Variants in XIRP2 observed in about 807,000 individuals in gnomAD.
XIRP2 encodes xin actin binding repeat containing 2.
A neutral mutation model predicts 277.0 loss-of-function variants in XIRP2; 236 were observed. That is an observed-to-expected ratio of 0.85 (90% CI 0.77 to 0.95). The LOEUF (loss-of-function observed/expected upper bound fraction) is 0.95. XIRP2 is among the 40% of genes least tolerant of loss of function. XIRP2 has a pLI of 0.00. For synonymous variants in XIRP2, 1,490 were observed against 1,416.5 expected (o/e 1.05, Z -1.17); for missense variants, 4,640 against 4,157.5 (o/e 1.12, Z -3.19).
chr2:167,247,263 G>A lies in XIRP2; in HGVS notation c.5871G>A (p.Ser1957=), dbSNP rs373676460. ...CTAAAGCTGTGATGGCAGGATCCTC[G>A]GGAGAGCAGAAAACAGATATTCATC... The part of the protein sequence containing the change: ...KDAKAVMAGS[S]GEQKTDIHQV... Residue 1957 remains serine, a synonymous_variant, in exon 9 of 11, where the codon TCG becomes TCA. Coordinates refer to ENST00000409195, the MANE Select transcript of XIRP2 (RefSeq NM_152381.6). 4.7e-5 allele frequency: 76 copies of A among 1,613,502 alleles called. No homozygotes were observed. The highest frequency in any genetic ancestry group is 2.0e-4 in the African/African-American group (15 of 74,872).
chr2:167,082,575 G>A (rs531837386), intron 2 of XIRP2, among the ~76,000 whole-genome samples: 2 of 152,238 alleles, frequency 1.3e-5, no homozygotes, highest in South Asian at 2.1e-4. Context: ...GTGTAAAAGT[G>A]TTCCTATTTC....
intron 3 of XIRP2, among the ~76,000 whole-genome samples, chr2:167,181,790 T>C (rs540804538): frequency 6.6e-6 from 1 of 152,290 alleles, no homozygotes; most frequent in African/African-American, 2.4e-5. Context: ...TTTTATTTTT[T>C]ATATTGGGAG....
At chr2:167,188,733 A>G (rs1175320512) in intron 3 of XIRP2, among the ~76,000 whole-genome samples, 1 of 152,220 alleles carries the variant, frequency 6.6e-6, no homozygotes, top group Non-Finnish European at 1.5e-5. Flanking sequence ...TCCATTTCTA[A>G]AAGTCAGTCC....
rs1411102668 is a variant in XIRP2 at position 167,129,588 on chromosome 2, ATAAG to A, written c.409-6316_409-6313del. Among the ~76,000 whole-genome samples, 5 of 152,248 alleles carry A rather than the reference ATAAG, an allele frequency of 3.3e-5. No individual in the cohort carries two copies. The East Asian group carries it at 9.7e-4, about 29-fold the overall frequency. On this transcript the variant is annotated intron_variant, in intron 2 of 10. Transcript: ENST00000409195. Reference sequence around the variant, plus strand: ...ACATATGTTAAAGCAATAAATATATATAAGTAAGAAAGAAAAATTATCCTGTAAT... The same window carrying A: ...ACATATGTTAAAGCAATAAATATATATAAGAAAGAAAAATTATCCTGTAAT...
At chr2:167,142,007 G>T (rs1691734801) in intron 3 of XIRP2, among the ~76,000 whole-genome samples, 1 of 152,156 alleles carries the variant, frequency 6.6e-6, no homozygotes, top group East Asian at 1.9e-4. Context: ...GCAGTCACTT[G>T]AAGATAGAGG....
At chr2:167,051,851 A>G (rs1395006314) in intron 2 of XIRP2, among the ~76,000 whole-genome samples, 1 of 152,094 alleles carries the variant, frequency 6.6e-6, no homozygotes. Flanking sequence ...GTAACTGTAA[A>G]TTTGCCTTTA....
At chr2:167,047,488 A>G (rs560547536) in intron 2 of XIRP2, among the ~76,000 whole-genome samples, 117 of 152,092 alleles carry the variant, frequency 7.7e-4, no homozygotes, top group African/African-American at 2.7e-3. Context: ...AATGTCAATT[A>G]TCTGCCAACT....
intron 9 of XIRP2, among the ~76,000 whole-genome samples, chr2:167,253,095 T>C (rs1695561858): frequency 6.6e-6 from 1 of 151,934 alleles, no homozygotes; most frequent in Admixed American, 6.6e-5. Flanking sequence ...AAAGTAGATA[T>C]AATTATTTGT....
intron 1 of XIRP2, among the ~76,000 whole-genome samples, chr2:166,901,692 A>G (rs191329440): frequency 9.5e-4 from 145 of 152,214 alleles, no homozygotes; most frequent in Admixed American, 7.7e-3. Context: ...ACAGACATTA[A>G]CAGCATATGT....
Position 167,210,870 on chromosome 2 carries a change from G to C in XIRP2, c.698G>C (p.Gly233Ala). Reference sequence around the variant, plus strand: ...AGGTACCAGGCAGCTGTTTCCAGGGGTGACTGCCGCAGCTTCTCTGCTAAT... The same window carrying C: ...AGGTACCAGGCAGCTGTTTCCAGGGCTGACTGCCGCAGCTTCTCTGCTAAT... ...MARYQAAVSRGDCRSFSANMM... is the reference protein window; with the variant it reads ...MARYQAAVSRADCRSFSANMM... Residue 233 changes from glycine (G) to alanine (A), a missense_variant, in exon 4 of 11, where the codon GGT (glycine) becomes GCT (alanine). Gly to Ala is a moderately conservative substitution (Grantham distance 60, BLOSUM62 0). Coordinates refer to ENST00000409195, the MANE Select transcript of XIRP2 (RefSeq NM_152381.6). The C allele has an allele frequency of 6.2e-7, 1 of 1,614,124 alleles. No homozygotes were observed. Among genetic ancestry groups the C allele is most frequent in the Non-Finnish European group, 8.5e-7 (1 of 1,180,008 alleles).
chr2:167,206,950 G>A (rs1181101081), intron 3 of XIRP2, among the ~76,000 whole-genome samples: 1 of 152,150 alleles, frequency 6.6e-6, no homozygotes, highest in African/African-American at 2.4e-5. Flanking sequence ...CACAAAATAA[G>A]ATTGTGAACC....
Position 166,889,495 on chromosome 2 carries a change from G to A in XIRP2, c.-19+938G>A, listed in dbSNP as rs77473923. On this transcript the variant is annotated intron_variant, in intron 1 of 10. Coordinates refer to ENST00000409195, the MANE Select transcript of XIRP2 (RefSeq NM_152381.6). ...CCTGGCCTCTCCTCCTGCAGGTGGC[G>A]TTTATTTATTCAAGGGGAGCAACCA... 2.3e-3 allele frequency: 354 copies of A among 152,606 alleles called. 1 individual carries two copies. The highest frequency in any genetic ancestry group is 8.3e-3 in the African/African-American group (347 of 41,574). 9.5% of individuals were successfully genotyped at this position (152,606 alleles called of 1,614,324 possible). A position where few individuals can be genotyped will look rare whatever the true frequency, so the allele number is the denominator to read the frequency against.
At chr2:167,135,685 G>A (rs1691524098) in intron 2 of XIRP2, among the ~76,000 whole-genome samples, 1 of 152,016 alleles carries the variant, frequency 6.6e-6, no homozygotes, top group African/African-American at 2.4e-5. Context: ...TGAAAGGAAG[G>A]CTAATTCAGA....
chr2:166,950,661 A>T (rs1686002198), intron 2 of XIRP2, among the ~76,000 whole-genome samples: 1 of 152,084 alleles, frequency 6.6e-6, no homozygotes, highest in Admixed American at 6.6e-5. Flanking sequence ...ACTGAATTTC[A>T]TAAATTAAAA....
intron 2 of XIRP2, among the ~76,000 whole-genome samples, chr2:167,019,090 T>G (rs754876961): frequency 1.8e-4 from 28 of 151,966 alleles, no homozygotes; most frequent in Non-Finnish European, 2.6e-4. Context: ...TGCTGAGAAA[T>G]CTGTACAACA....
At chr2:166,892,007 C>G (rs1684117892) in intron 1 of XIRP2, among the ~76,000 whole-genome samples, 1 of 152,096 alleles carries the variant, frequency 6.6e-6, no homozygotes, top group Admixed American at 6.6e-5. Flanking sequence ...GCTGATATGC[C>G]TCACAATCTT....
At chr2:167,101,411 C>T (rs1690482877) in intron 2 of XIRP2, among the ~76,000 whole-genome samples, 1 of 152,090 alleles carries the variant, frequency 6.6e-6, no homozygotes, top group Non-Finnish European at 1.5e-5. Flanking sequence ...GATTTTGGTG[C>T]ACCCATCACC....
At position 167,242,808 on chromosome 2, in the gene XIRP2, C is replaced by G. The variant is rs773331901; in HGVS notation, c.1416C>G (p.Ser472=). 12 of 1,613,932 alleles carry G rather than the reference C, an allele frequency of 7.4e-6. No individual in the cohort carries two copies. Residue 472 remains serine, a synonymous_variant, in exon 9 of 11, where the codon TCC becomes TCG. Transcript: ENST00000409195. ...TSVDVTAFSQ[S]PELPSPPRRL... is the part of the protein sequence containing the mutation. ...TAGATGTGACAGCATTTTCCCAGTCCCCTGAACTGCCCAGTCCTCCTAGAA... is the reference window on the plus strand; with the variant it reads ...TAGATGTGACAGCATTTTCCCAGTCGCCTGAACTGCCCAGTCCTCCTAGAA...
Position 167,246,294 on chromosome 2 carries a change from T to C in XIRP2, c.4902T>C (p.Asn1634=), listed in dbSNP as rs1695260188. The change falls in exon 9 of 11, where the codon AAT becomes AAC. Residue 1634 remains asparagine (N), a synonymous_variant. Transcript: ENST00000409195. ...GTGAAGAAGAGAAGGGAAATGTTAATTTGACTAAAACTCAATTATTAAACA... is the reference window on the plus strand; with the variant it reads ...GTGAAGAAGAGAAGGGAAATGTTAACTTGACTAAAACTCAATTATTAAACA... ...LISEEEKGNV[N]LTKTQLLNRS... 2 of 1,613,384 alleles carry C rather than the reference T, an allele frequency of 1.2e-6. No homozygotes were observed. Among genetic ancestry groups the C allele is most frequent in the South Asian group, 2.2e-5 (2 of 90,996 alleles).
Sources: allele counts gnomAD v4.1 joint callset (sites outside exome capture counted in the v4.1 genomes callset), GRCh38; gene constraint gnomAD v4.1.1; transcripts MANE v1.5; gene names NCBI Gene and HGNC (gene_info 2026-07-23, HGNC 2026-07-21).